The following HHAT variants were observed in gnomAD, a reference collection of about 807,000 sequenced individuals.
The protein encoded by HHAT is protein-cysteine N-palmitoyltransferase HHAT.
HHAT carries 47 observed loss-of-function variants against 70.8 expected under a neutral mutation model. The ratio of observed to expected loss-of-function variants is 0.66; its 90% CI spans 0.53 to 0.85. The LOEUF (loss-of-function observed/expected upper bound fraction) is 0.85. Ranked by LOEUF, HHAT falls within the 40% of genes least tolerant of loss-of-function variation. The pLI is 0.00. For missense variants in HHAT, 609 were observed against 604.8 expected (o/e 1.01, Z -0.07); for synonymous variants, 228 against 247.6 (o/e 0.92, Z 0.74).
chr1:210,494,369 T>C (rs2094597733), intron 8 of HHAT, among the ~76,000 whole-genome samples: 1 of 152,070 alleles, frequency 6.6e-6, no homozygotes, highest in South Asian at 2.1e-4. Context: ...TATCTCAAAG[T>C]AGAGCTAACA....
At chr1:210,596,898 C>A (rs1436325236) in intron 10 of HHAT, among the ~76,000 whole-genome samples, 1 of 151,996 alleles carries the variant, frequency 6.6e-6, no homozygotes, top group Non-Finnish European at 1.5e-5. Context: ...TGGTATTTGG[C>A]CATTGAAGAG....
intron 7 of HHAT, among the ~76,000 whole-genome samples, chr1:210,443,290 C>G (rs1473350173): frequency 6.6e-6 from 1 of 151,798 alleles, no homozygotes; most frequent in Non-Finnish European, 1.5e-5. Flanking sequence ...ATGCCTCCAG[C>G]TTTGTTCTTT....
chr1:210,537,305 G>A (rs912623197), intron 9 of HHAT, among the ~76,000 whole-genome samples: 1 of 152,140 alleles, frequency 6.6e-6, no homozygotes, highest in Non-Finnish European at 1.5e-5. Flanking sequence ...TCTGCTGTCT[G>A]CCCGTCCCAC....
chr1:210,339,338 CTATT>C (rs1309471775), intron 1 of HHAT, among the ~76,000 whole-genome samples: 1 of 152,150 alleles, frequency 6.6e-6, no homozygotes, highest in Non-Finnish European at 1.5e-5. Context: ...TGATTAGTAA[CTATT>C]TATAATATAC....
intron 8 of HHAT, among the ~76,000 whole-genome samples, chr1:210,497,201 G>A (rs927266366): frequency 1.3e-5 from 2 of 152,110 alleles, no homozygotes; most frequent in Admixed American, 1.3e-4. Context: ...CTACTTAAAG[G>A]AATCTTGTAG....
At chr1:210,362,459 T>C (rs1427141819) in intron 2 of HHAT, among the ~76,000 whole-genome samples, 1 of 152,196 alleles carries the variant, frequency 6.6e-6, no homozygotes, top group African/African-American at 2.4e-5. Context: ...ACTCCTGAAC[T>C]TGTAATCCGC....
intron 9 of HHAT, among the ~76,000 whole-genome samples, chr1:210,532,535 C>G (rs552863639): frequency 6.6e-6 from 1 of 152,210 alleles, no homozygotes; most frequent in Non-Finnish European, 1.5e-5. Flanking sequence ...TAGCCCTAAA[C>G]TTATATAACT....
chr1:210,475,742 G>A (rs183508249), intron 8 of HHAT, among the ~76,000 whole-genome samples: 2 of 152,104 alleles, frequency 1.3e-5, no homozygotes, highest in South Asian at 2.1e-4. Flanking sequence ...GGCGAATGGC[G>A]TATTCTTTTT....
At chr1:210,663,221 G>A (rs980154048) in intron 11 of HHAT, among the ~76,000 whole-genome samples, 3 of 152,182 alleles carry the variant, frequency 2.0e-5, no homozygotes, top group Non-Finnish European at 4.4e-5. Flanking sequence ...GGCGGCCCCA[G>A]GAGATGGGGG....
intron 8 of HHAT, among the ~76,000 whole-genome samples, chr1:210,495,626 T>C (rs1044843214): frequency 6.6e-6 from 1 of 152,210 alleles, no homozygotes; most frequent in Non-Finnish European, 1.5e-5. Context: ...GAATTCCAGA[T>C]ATTTGTTACA....
chr1:210,363,940 G>A (rs1388386732), intron 3 of HHAT, among the ~76,000 whole-genome samples: 1 of 152,144 alleles, frequency 6.6e-6, no homozygotes, highest in African/African-American at 2.4e-5. Context: ...GGTACTGCCT[G>A]TACTAATATT....
At chr1:210,553,342 G>T (rs554076596) in intron 9 of HHAT, among the ~76,000 whole-genome samples, 2 of 152,168 alleles carry the variant, frequency 1.3e-5, no homozygotes, top group Non-Finnish European at 2.9e-5. Flanking sequence ...GCTTTGAAAG[G>T]GTTGGGGTCA....
rs568539466 is a variant in HHAT, at chr1:210,404,799, A to G, written c.684+120A>G. 10 of 684,752 alleles carry G rather than the reference A, an allele frequency of 1.5e-5. No individual in the cohort carries two copies. The African/African-American group carries it at 1.6e-4, about 11-fold the overall frequency. The allele number at this position is 684,752 out of a possible 1,614,324, so 42.4% of individuals were successfully genotyped here. ...AGGTGCCCACAGATTTACAACACAT[A>G]CTATTAGTTCTCATGAGGTTTTTTG... On this transcript the variant is annotated intron_variant, in intron 6 of 11. Coordinates refer to ENST00000261458, the MANE Select transcript of HHAT (RefSeq NM_018194.6).
intron 9 of HHAT, among the ~76,000 whole-genome samples, chr1:210,568,463 G>A (rs1212571075): frequency 1.3e-5 from 2 of 152,210 alleles, no homozygotes. Context: ...GTTACCGATG[G>A]AGGGTGTCCA....
intron 9 of HHAT, among the ~76,000 whole-genome samples, chr1:210,518,243 C>T (rs1343331122): frequency 3.3e-5 from 5 of 152,128 alleles, no homozygotes; most frequent in African/African-American, 1.2e-4. Flanking sequence ...CCTATCCTCC[C>T]CTCTCTACCC....
intron 8 of HHAT, among the ~76,000 whole-genome samples, chr1:210,481,994 G>A (rs1466887721): frequency 6.6e-6 from 1 of 152,180 alleles, no homozygotes; most frequent in Non-Finnish European, 1.5e-5. Context: ...GTGAGCAGGA[G>A]AGTGGCAGGA....
rs769462211 is a variant in HHAT, at chr1:210,404,621, T to A, written c.626T>A (p.Phe209Tyr). ...TTTCCCTGGATGCTGGCCTATGTCT[T>A]TTATTATCCAGTCTTACACAATGGG... ...YSFPWMLAYVFYYPVLHNGPI... is the reference protein window; with the variant it reads ...YSFPWMLAYVYYYPVLHNGPI... Residue 209 changes from phenylalanine (F) to tyrosine (Y), a missense_variant, in exon 6 of 12, where the codon TTT (phenylalanine) becomes TAT (tyrosine). Phe to Tyr is a conservative substitution (Grantham distance 22). Transcript: ENST00000261458. 18 of 1,614,010 alleles carry A rather than the reference T, an allele frequency of 1.1e-5. No individual in the cohort carries two copies. In the East Asian group the frequency reaches 4.0e-4, roughly 36 times the overall value.
chr1:210,453,005 A>G (rs1424800908), intron 7 of HHAT, among the ~76,000 whole-genome samples: 1 of 152,232 alleles, frequency 6.6e-6, no homozygotes, highest in Non-Finnish European at 1.5e-5. Flanking sequence ...TTTTTAGCTC[A>G]GTGTTTAAGT....
chr1:210,337,156 G>T (rs2085576941), intron 1 of HHAT, among the ~76,000 whole-genome samples: 1 of 152,182 alleles, frequency 6.6e-6, no homozygotes, highest in South Asian at 2.1e-4. Context: ...AAAGCTAAGG[G>T]AGTATTAAGT....
Sources: gnomAD v4.1 joint callset for allele counts (sites outside exome capture counted in the v4.1 genomes callset) on GRCh38, gnomAD v4.1.1 for gene constraint, MANE v1.5 for transcripts, NCBI Gene and HGNC (gene_info 2026-07-23, HGNC 2026-07-21) for gene names.